Variants in NT5C2 observed in about 807,000 individuals in gnomAD.
The protein encoded by NT5C2 is 5'-nucleotidase, cytosolic II, also known as cytosolic purine 5'-nucleotidase.
A neutral mutation model predicts 76.1 loss-of-function variants in NT5C2; 58 were observed. The observed-to-expected ratio is 0.76, with a 90% CI of 0.62 to 0.95. NT5C2 has a LOEUF of 0.95. Ranked by LOEUF, NT5C2 falls within the 40% of genes least tolerant of loss-of-function variation. NT5C2 has a pLI of 0.00. For missense variants in NT5C2, 478 were observed against 690.3 expected (o/e 0.69, Z 3.45); for synonymous variants, 229 against 237.4 (o/e 0.96, Z 0.32).
chr10:103,136,748 C>T (rs2079354168), intron 4 of NT5C2, among the ~76,000 whole-genome samples: 3 of 152,002 alleles, frequency 2.0e-5, no homozygotes, highest in African/African-American at 7.3e-5. Context: ...CCTCAGCCTC[C>T]TGACCAGCTG....
intron 3 of NT5C2, among the ~76,000 whole-genome samples, chr10:103,149,077 G>A (rs2081991804): frequency 6.6e-6 from 1 of 152,142 alleles, no homozygotes; most frequent in African/African-American, 2.4e-5. Flanking sequence ...ATCTCTCCCT[G>A]AGAATTTGAA....
chr10:103,167,158 G>GTA (rs2086613169), intron 3 of NT5C2, among the ~76,000 whole-genome samples: 2 of 151,994 alleles, frequency 1.3e-5, no homozygotes, highest in African/African-American at 4.8e-5. Context: ...TGGGATTACA[G>GTA]GCACCCGCCA....
At chr10:103,177,089 AAATAC>A (rs1426948859) in intron 2 of NT5C2, among the ~76,000 whole-genome samples, 1 of 152,218 alleles carries the variant, frequency 6.6e-6, no homozygotes, top group Non-Finnish European at 1.5e-5. Flanking sequence ...AAAGATAAAT[AAATAC>A]ATTTTGATAA....
intron 4 of NT5C2, among the ~76,000 whole-genome samples, chr10:103,123,604 G>A (rs1483231749): frequency 6.6e-6 from 1 of 152,146 alleles, no homozygotes; most frequent in African/African-American, 2.4e-5. Flanking sequence ...ACATTTTCTA[G>A]TACGTTTAAT....
chr10:103,152,890 TA>T (rs1397828005), intron 3 of NT5C2, among the ~76,000 whole-genome samples: 4 of 152,222 alleles, frequency 2.6e-5, no homozygotes, highest in Admixed American at 2.0e-4. Context: ...TGTTTTTCAC[TA>T]AATATTTCAC....
intron 4 of NT5C2, among the ~76,000 whole-genome samples, chr10:103,129,786 C>G (rs1284909517): frequency 1.1e-5 from 1 of 95,104 alleles, no homozygotes. Context: ...CCAGCCGCCC[C>G]GTCCGGGAGG....
At chr10:103,090,551 G>C (rs2066499098) in intron 18 of NT5C2, 60 bp downstream of exon 18, 2 of 1,455,110 alleles carry the variant, frequency 1.4e-6, no homozygotes, top group Admixed American at 3.8e-5. Context: ...ATCTCACAAA[G>C]GTGGTTGCTG....
intron 2 of NT5C2, among the ~76,000 whole-genome samples, chr10:103,180,471 C>A (rs2090856472): frequency 1.3e-5 from 2 of 152,190 alleles, no homozygotes; most frequent in Admixed American, 6.5e-5. Context: ...GTGGCTCACA[C>A]CTCTAATCCC....
intron 3 of NT5C2, 83 bp from the exon 4 acceptor site, chr10:103,139,562 G>T: frequency 1.0e-6 from 1 of 956,780 alleles, no homozygotes; most frequent in Non-Finnish European, 1.5e-6. Context: ...TATTTTTCTA[G>T]GTTTTCTCAT....
chr10:103,181,077 T>C (rs754485211), intron 2 of NT5C2, 108 bp downstream of exon 2: 6 of 152,072 alleles, frequency 3.9e-5, no homozygotes, highest in Admixed American at 1.3e-4. Flanking sequence ...AGGAAAACTT[T>C]TGGGGAGAAG....
intron 16 of NT5C2, 149 bp downstream of exon 16, chr10:103,091,415 A>G: frequency 3.2e-6 from 2 of 620,890 alleles, no homozygotes; most frequent in East Asian, 2.9e-5. Context: ...GTGCAATCTC[A>G]GCTCACTGCA....
At chr10:103,160,403 C>G (rs1228620613) in intron 3 of NT5C2, among the ~76,000 whole-genome samples, 1 of 152,060 alleles carries the variant, frequency 6.6e-6, no homozygotes, top group South Asian at 2.1e-4. Flanking sequence ...TTGGACTTCA[C>G]CGGTATTAAA....
At position 103,165,693 on chromosome 10, in the gene NT5C2, C is replaced by T. The variant is rs1168700133; in HGVS notation, c.101+9165G>A. 2.8e-5 allele frequency among the ~76,000 whole-genome samples: 4 copies of T among 143,110 alleles called. No homozygotes were observed. The South Asian group carries it at 6.9e-4, about 25-fold the overall frequency. The allele number at this position is 143,110 out of a possible 152,430, so 93.9% of individuals were successfully genotyped here. Reference sequence around the variant, plus strand: ...CAAGAGAATTTTTTTTTTTTTGAGACAGAGTTTCACTCTTATTGCCCAGGC... The same window carrying T: ...CAAGAGAATTTTTTTTTTTTTGAGATAGAGTTTCACTCTTATTGCCCAGGC... On this transcript the variant is annotated intron_variant, in intron 3 of 18. Coordinates refer to ENST00000404739, the MANE Select transcript of NT5C2 (RefSeq NM_001351169.2).
Position 103,089,799 on chromosome 10 carries a change from T to C in NT5C2, c.1559A>G (p.Lys520Arg), listed in dbSNP as rs1564895967. Residue 520 changes from lysine (K) to arginine (R), a missense_variant, in exon 19 of 19, where the codon AAG (lysine) becomes AGG (arginine). Transcript: ENST00000404739. The stretch of plus-strand genomic sequence containing the variant: ...AATTGACCGTGTCAGCTGGTGCCGC[T>C]TGTAGTCAGTGTCTTTGAAATCCAC... ...TSVDFKDTDY[K>R]RHQLTRSISE... 1.9e-6 allele frequency: 3 copies of C among 1,613,920 alleles called. No homozygotes were observed. The highest frequency in any genetic ancestry group is 1.3e-5 in the African/African-American group (1 of 74,884).
chr10:103,169,990 C>T (rs530233811), intron 3 of NT5C2, among the ~76,000 whole-genome samples: 3 of 152,094 alleles, frequency 2.0e-5, no homozygotes, highest in South Asian at 2.1e-4. Context: ...GGCATGGTGG[C>T]GCATGCCTAT....
At chr10:103,178,273 C>T (rs748684203) in intron 2 of NT5C2, among the ~76,000 whole-genome samples, 66 of 152,180 alleles carry the variant, frequency 4.3e-4, no homozygotes, top group Non-Finnish European at 7.6e-4. Context: ...ACAGACCAGG[C>T]GCAGTGGCTC....
chr10:103,192,790 G>A (rs2092735516), intron 1 of NT5C2, among the ~76,000 whole-genome samples: 1 of 152,200 alleles, frequency 6.6e-6, no homozygotes, highest in African/African-American at 2.4e-5. Context: ...CGGCCTCAGG[G>A]GTGGCCGGGA....
chr10:103,090,832 TTTA>T (rs769837590), intron 17 of NT5C2, 45 bp from the exon 18 acceptor site: 1 of 1,604,222 alleles, frequency 6.2e-7, no homozygotes, highest in South Asian at 1.1e-5. Flanking sequence ...TCAACAAATA[TTTA>T]TTGAGCAGTA....
chr10:103,189,465 G>GATTACAGGCATGCGCTAC (rs2092428296), intron 1 of NT5C2, among the ~76,000 whole-genome samples: 2 of 151,484 alleles, frequency 1.3e-5, no homozygotes, highest in Non-Finnish European at 1.5e-5. Context: ...AATTAGCTGG[G>GATTACAGGCATGCGCTAC]CGTGGTGGCA....
Sources: gnomAD v4.1 joint callset for allele counts (sites outside exome capture counted in the v4.1 genomes callset) on GRCh38, gnomAD v4.1.1 for gene constraint, MANE v1.5 for transcripts, NCBI Gene and HGNC (gene_info 2026-07-23, HGNC 2026-07-21) for gene names.